TMX4: variants seen among roughly 807,000 people sequenced by gnomAD.
TMX4 encodes thioredoxin-related transmembrane protein 4.
A neutral mutation model predicts 33.3 loss-of-function variants in TMX4; 23 were observed. The observed-to-expected ratio is 0.69, with a 90% CI of 0.50 to 0.98. The LOEUF is 0.98. TMX4 is among the 50% of genes least tolerant of loss of function. TMX4 has a pLI of 0.00. For synonymous variants in TMX4, 164 were observed against 161.5 expected (o/e 1.02, Z -0.12); for missense variants, 399 against 448.9 (o/e 0.89, Z 1.01).
At position 7,978,502 on chromosome 20, in the gene TMX4, A is replaced by G. The variant is rs756882104; in HGVS notation, c.*3749T>C. 2 of 152,226 alleles carry G rather than the reference A, an allele frequency of 1.3e-5. No individual in the cohort carries two copies. The highest frequency in any genetic ancestry group is 2.9e-5 in the Non-Finnish European group (2 of 68,040). The allele number at this position is 152,226 out of a possible 1,614,324, so 9.4% of individuals were successfully genotyped here. On this transcript the variant is annotated 3_prime_UTR_variant, in exon 8 of 8. Coordinates refer to ENST00000246024, the MANE Select transcript of TMX4 (RefSeq NM_021156.4). ...CTGTAGACTGACATATTCCCAAATCATATTAGAACATCACAGCTGTCAACA... is the reference window on the plus strand; with the variant it reads ...CTGTAGACTGACATATTCCCAAATCGTATTAGAACATCACAGCTGTCAACA...
At chr20:8,004,764 G>C (rs2050721096) in intron 2 of TMX4, among the ~76,000 whole-genome samples, 2 of 152,150 alleles carry the variant, frequency 1.3e-5, no homozygotes, top group African/African-American at 4.8e-5. Flanking sequence ...CTATCTATTA[G>C]CCATTGTTGT....
At chr20:7,993,837 T>G (rs906983685) in intron 5 of TMX4, among the ~76,000 whole-genome samples, 4 of 152,082 alleles carry the variant, frequency 2.6e-5, no homozygotes, top group Non-Finnish European at 2.9e-5. Context: ...TGCGTTCTTT[T>G]ATGTGCAACT....
In TMX4 at chr20:7,995,887, A is replaced by G. The variant is rs1028235842; in HGVS notation, c.513+139T>C. On this transcript the variant is annotated intron_variant, in intron 5 of 7. Transcript: ENST00000246024. Reference sequence around the variant, plus strand: ...ACGACATTACCACTGGAAACCCCACATGAGAGTAGTTGCATGGCTTAAGAA... The same window carrying G: ...ACGACATTACCACTGGAAACCCCACGTGAGAGTAGTTGCATGGCTTAAGAA... 1.8e-5 allele frequency: 12 copies of G among 683,794 alleles called. No homozygotes were observed. In the African/African-American group the frequency reaches 2.0e-4, roughly 11 times the overall value. The allele number at this position is 683,794 out of a possible 1,614,324, so 42.4% of individuals were successfully genotyped here.
chr20:7,984,199 C>A (rs542410477), intron 6 of TMX4, among the ~76,000 whole-genome samples: 14 of 152,274 alleles, frequency 9.2e-5, no homozygotes, highest in South Asian at 6.2e-4. Flanking sequence ...ATATAGGCTG[C>A]CCCTCACCAA....
chr20:8,004,462 T>G (rs917758363), intron 2 of TMX4, among the ~76,000 whole-genome samples: 1 of 152,174 alleles, frequency 6.6e-6, no homozygotes, highest in African/African-American at 2.4e-5. Flanking sequence ...GTAAAAAGGA[T>G]AAAGTTAGGC....
intron 3 of TMX4, among the ~76,000 whole-genome samples, chr20:8,001,220 T>A (rs1291681137): frequency 6.6e-6 from 1 of 152,198 alleles, no homozygotes; most frequent in Non-Finnish European, 1.5e-5. Flanking sequence ...GTTGGCTTAA[T>A]GCATTCCTAC....
chr20:8,001,405 T>C, intron 3 of TMX4, 91 bp downstream of exon 3: 1 of 1,287,034 alleles, frequency 7.8e-7, no homozygotes, highest in South Asian at 1.3e-5. Context: ...TTAAGCTGAA[T>C]GAGTGGCAGT....
chr20:8,001,483 T>A lies in TMX4; in HGVS notation c.338+13A>T, dbSNP rs1191000764. The A allele has an allele frequency of 6.3e-7, 1 of 1,586,470 alleles. No homozygotes were observed. The highest frequency in any genetic ancestry group is 8.6e-7 in the Non-Finnish European group (1 of 1,163,464). On this transcript the variant is annotated intron_variant, in intron 3 of 7. Transcript: ENST00000246024. ...TCTAATATTTGCAAGATTAGAAGAT[T>A]ATTTAAACTTACTGAAAAAATGCTG...
chr20:7,983,771 T>TCA, intron 7 of TMX4, 23 bp downstream of exon 7: 1 of 1,609,124 alleles, frequency 6.2e-7, no homozygotes, highest in Non-Finnish European at 8.5e-7. Context: ...ACACTCTAGA[T>TCA]CACAGGAGCT....
chr20:8,019,291 A>C, intron 1 of TMX4, 147 bp downstream of exon 1: 5 of 979,184 alleles, frequency 5.1e-6, no homozygotes, highest in Non-Finnish European at 4.2e-6. Context: ...GCGGCCCGGC[A>C]CCGGCGCCGC....
At chr20:7,991,529 G>T (rs977804308) in intron 5 of TMX4, among the ~76,000 whole-genome samples, 3 of 152,064 alleles carry the variant, frequency 2.0e-5, no homozygotes, top group African/African-American at 7.2e-5. Flanking sequence ...GTGTCACGTT[G>T]GTGCTCAAAC....
rs760083195 is a variant in TMX4 at position 7,999,772 on chromosome 20, C to A, written c.427G>T (p.Val143Phe). 1 of 1,613,560 alleles carries A rather than the reference C, an allele frequency of 6.2e-7. No homozygotes were observed. The highest frequency in any genetic ancestry group is 2.2e-5 in the East Asian group (1 of 44,834). Residue 143 changes from valine to phenylalanine, a missense_variant, in exon 4 of 8, where the codon GTC (valine) becomes TTC (phenylalanine). Coordinates refer to ENST00000246024, the MANE Select transcript of TMX4 (RefSeq NM_021156.4). ...NYILEKKWQS[V>F]EPLTGWKSPA... ...GATTTCCAGCCAGTCAGAGGCTCGA[C>A]TGATTGCCATTTCTTCTCTAAGATA...
At position 7,980,306 on chromosome 20, in the gene TMX4, A is replaced by G. The variant is rs1026897275; in HGVS notation, c.*1945T>C. On this transcript the variant is annotated 3_prime_UTR_variant, in exon 8 of 8. Transcript: ENST00000246024. ...CAAACTATGAAACCATTCTTATTCC[A>G]TAATACCTCTGAACCTGAGTTTACT... 2.0e-5 allele frequency: 3 copies of G among 152,222 alleles called. No homozygotes were observed. The highest frequency in any genetic ancestry group is 1.9e-4 in the East Asian group (1 of 5,202). The allele number at this position is 152,222 out of a possible 1,614,324, so 9.4% of individuals were successfully genotyped here.
At chr20:8,001,133 A>C (rs1035761252) in intron 3 of TMX4, among the ~76,000 whole-genome samples, 1 of 152,202 alleles carries the variant, frequency 6.6e-6, no homozygotes, top group African/African-American at 2.4e-5. Context: ...ACTAGTTCAA[A>C]GTTCTCAAAA....
chr20:8,012,234 C>T (rs2050755846), intron 1 of TMX4, among the ~76,000 whole-genome samples: 1 of 152,142 alleles, frequency 6.6e-6, no homozygotes, highest in African/African-American at 2.4e-5. Flanking sequence ...GGTTAATAAT[C>T]TCTCCATGCC....
intron 4 of TMX4, among the ~76,000 whole-genome samples, chr20:7,998,232 A>G (rs115434147): frequency 0.011 from 1,634 of 152,282 alleles, 19 homozygotes; most frequent in Middle Eastern, 0.027. Context: ...ACAGTTCTAC[A>G]AAGTCTGCAT....
At chr20:8,008,895 A>C (rs756068290) in intron 2 of TMX4, among the ~76,000 whole-genome samples, 1 of 152,176 alleles carries the variant, frequency 6.6e-6, no homozygotes, top group Non-Finnish European at 1.5e-5. Context: ...ATGAGGATTC[A>C]TGGCTTTTAA....
intron 4 of TMX4, among the ~76,000 whole-genome samples, chr20:7,996,334 C>A (rs1398565576): frequency 6.6e-6 from 1 of 152,128 alleles, no homozygotes; most frequent in Non-Finnish European, 1.5e-5. Flanking sequence ...AGCTGAATGT[C>A]TCCAGGGAAA....
rs1257972163 is a variant in TMX4 at position 7,977,364 on chromosome 20, G to A, written c.*4887C>T. On this transcript the variant is annotated 3_prime_UTR_variant, in exon 8 of 8. Coordinates refer to ENST00000246024, the MANE Select transcript of TMX4 (RefSeq NM_021156.4). ...GACTAGATGGAGGATGGACACGAAG[G>A]AAAATTTTTTTTAACAAATTAATAT... The A allele has an allele frequency of 1.3e-5, 2 of 152,226 alleles. No individual in the cohort carries two copies. The highest frequency in any genetic ancestry group is 3.8e-4 in the East Asian group (2 of 5,206). 9.4% of individuals were successfully genotyped at this position (152,226 alleles called of 1,614,324 possible).
Sources: allele counts gnomAD v4.1 joint callset (sites outside exome capture counted in the v4.1 genomes callset), GRCh38; gene constraint gnomAD v4.1.1; transcripts MANE v1.5; gene names NCBI Gene and HGNC (gene_info 2026-07-23, HGNC 2026-07-21).